The following PHC3 variants were observed in gnomAD, a reference collection of about 807,000 sequenced individuals.
PHC3 encodes the protein polyhomeotic homolog 3.
In PHC3, 13 loss-of-function variants were observed where a neutral mutation model predicts 107.4. That is an observed-to-expected ratio of 0.12 (90% CI 0.08 to 0.19). The LOEUF is 0.19. Among genes scored for constraint, PHC3 ranks in the 10% least tolerant of loss-of-function variants. The probability of loss-of-function intolerance (pLI) is 1.00; values close to 1 mark genes in which losing one functional copy is unlikely to be tolerated. For synonymous variants in PHC3, 456 were observed against 427.4 expected, an observed-to-expected ratio of 1.07 and a Z score of -0.83; for missense variants, 992 against 1,210.9, an observed-to-expected ratio of 0.82 and a Z score of 2.68.
intron 6 of PHC3, among the ~76,000 whole-genome samples, chr3:170,143,582 A>C (rs1300891576): frequency 6.6e-6 from 1 of 152,222 alleles, no homozygotes; most frequent in Non-Finnish European, 1.5e-5. Flanking sequence ...CATTTCTGCC[A>C]TATGCAGTCT....
Position 170,149,211 on chromosome 3 carries a change from A to G in PHC3, c.448T>C (p.Leu150=), listed in dbSNP as rs758143771. ...CTGGAAGCCTGGGAACGGCTTATTAACTGTGCAGGTGTAGGAGAAGTGGAG... is the reference window on the plus strand; with the variant it reads ...CTGGAAGCCTGGGAACGGCTTATTAGCTGTGCAGGTGTAGGAGAAGTGGAG... The part of the protein sequence containing the change: ...NLSTSPTPAQ[L]ISRSQASSST... Residue 150 remains leucine (L), a synonymous_variant, in exon 5 of 15, where the codon TTA becomes CTA. Transcript: ENST00000495893. 4.3e-6 allele frequency: 7 copies of G among 1,612,930 alleles called. No individual in the cohort carries two copies. In the Admixed American group the frequency reaches 1.2e-4, roughly 27 times the overall value.
At chr3:170,117,624 G>A (rs1719289031) in intron 9 of PHC3, 148 bp from the exon 10 acceptor site, 2 of 778,508 alleles carry the variant, frequency 2.6e-6, no homozygotes, top group Admixed American at 2.9e-5. Context: ...CATTTAATCT[G>A]TACAATAATC....
At position 170,121,429 on chromosome 3, in the gene PHC3, A is replaced by T. The variant is rs187975799; in HGVS notation, c.1942+1162T>A. Among the ~76,000 whole-genome samples, 8 of 152,344 alleles carry T rather than the reference A, an allele frequency of 5.3e-5. No homozygotes were observed. In the East Asian group the frequency reaches 1.5e-3, roughly 29 times the overall value. On this transcript the variant is annotated intron_variant, in intron 9 of 14. Transcript: ENST00000495893. ...ACGAAACATTTGTGTTTAGTAAAAT[A>T]CCTAGAATACACAGTAGCTTTGTGA...
At chr3:170,173,174 C>A (rs1729892459) in intron 2 of PHC3, among the ~76,000 whole-genome samples, 2 of 149,900 alleles carry the variant, frequency 1.3e-5, no homozygotes, top group African/African-American at 2.5e-5. Context: ...GCCTGGGCGA[C>A]ACAGCAAGAC....
Position 170,117,412 on chromosome 3 carries a change from G to C in PHC3, c.2007C>G (p.Pro669=), listed in dbSNP as rs375911062. The C allele has an allele frequency of 1.2e-6, 2 of 1,613,816 alleles. No homozygotes were observed. Among genetic ancestry groups the C allele is most frequent in the African/African-American group, 2.7e-5 (2 of 75,010 alleles). The change falls in exon 10 of 15, where the codon CCC becomes CCG. Residue 669 remains proline (P), a synonymous_variant. Coordinates refer to ENST00000495893, the MANE Select transcript of PHC3 (RefSeq NM_024947.4). ...GAGGTGGTGGAACAGAAACATGTGA[G>C]GGATCTGATGGAGATTTAATTACTG... is the stretch of plus-strand genomic sequence containing the variant. The part of the protein sequence containing the change: ...SASVIKSPSD[P]SHVSVPPPPL...
chr3:170,100,612 C>T (rs150805103), intron 14 of PHC3, among the ~76,000 whole-genome samples: 1 of 152,194 alleles, frequency 6.6e-6, no homozygotes, highest in East Asian at 1.9e-4. Flanking sequence ...AAATACCTGG[C>T]AACAAAATTA....
chr3:170,144,235 G>A (rs774168159), intron 6 of PHC3, among the ~76,000 whole-genome samples: 6 of 151,834 alleles, frequency 4.0e-5, no homozygotes, highest in Non-Finnish European at 8.8e-5. Context: ...CAGCTACTCG[G>A]GAGGTTGAGG....
intron 9 of PHC3, among the ~76,000 whole-genome samples, chr3:170,121,294 T>A (rs928547666): frequency 2.0e-5 from 3 of 152,012 alleles, no homozygotes; most frequent in Non-Finnish European, 4.4e-5. Context: ...GGCAACATAG[T>A]GAGACCCTAT....
intron 2 of PHC3, chr3:170,176,960 T>C (rs1730577490): frequency 2.2e-6 from 1 of 450,328 alleles, no homozygotes; most frequent in Non-Finnish European, 4.5e-6. Flanking sequence ...AAACAAAGTA[T>C]AATAGAGTGG....
At chr3:170,113,593 T>G (rs1718261438) in intron 10 of PHC3, 74 bp from the exon 11 acceptor site, 18 of 1,373,316 alleles carry the variant, frequency 1.3e-5, no homozygotes, top group Non-Finnish European at 1.5e-5. Context: ...TTTAAAAAAC[T>G]CTTAAAATGA....
chr3:170,160,958 T>G (rs1403506716), intron 4 of PHC3, among the ~76,000 whole-genome samples: 2 of 152,164 alleles, frequency 1.3e-5, no homozygotes, highest in Non-Finnish European at 2.9e-5. Context: ...CTTTTAGAAT[T>G]TATCTAGCAG....
intron 4 of PHC3, among the ~76,000 whole-genome samples, chr3:170,167,581 A>AG: frequency 6.6e-6 from 1 of 152,022 alleles, no homozygotes; most frequent in East Asian, 1.9e-4. Context: ...CCAACATGGC[A>AG]AAACCCCATC....
chr3:170,132,264 T>C (rs1249878065), intron 7 of PHC3, among the ~76,000 whole-genome samples: 2 of 152,164 alleles, frequency 1.3e-5, no homozygotes, highest in African/African-American at 4.8e-5. Flanking sequence ...GGTGATAGGG[T>C]ACTATACCAA....
In PHC3 at chr3:170,143,150, C is replaced by G. The variant is rs2108549202; in HGVS notation, c.672+2273G>C. 1.3e-5 allele frequency among the ~76,000 whole-genome samples: 2 copies of G among 152,218 alleles called. 1 individual carries two copies. Among genetic ancestry groups the G allele is most frequent in the Middle Eastern group, 6.8e-3 (2 of 294 alleles). On this transcript the variant is annotated intron_variant, in intron 6 of 14. Coordinates refer to ENST00000495893, the MANE Select transcript of PHC3 (RefSeq NM_024947.4). ...CCATGATTGACCCACTGCACTCCAG[C>G]CTGGGTGACAGAGTGAGACCCTATC...
At chr3:170,116,919 AAG>A (rs1274811551) in intron 10 of PHC3, among the ~76,000 whole-genome samples, 1 of 152,114 alleles carries the variant, frequency 6.6e-6, no homozygotes, top group African/African-American at 2.4e-5. Context: ...TAAAAAAAAA[AAG>A]AAAGAAAAAA....
rs575690211 is a variant in PHC3 at position 170,155,519 on chromosome 3, G to A, written c.415-6275C>T. 4.6e-4 allele frequency among the ~76,000 whole-genome samples: 70 copies of A among 152,196 alleles called. 1 individual carries two copies. The Middle Eastern group carries it at 0.014, about 30-fold the overall frequency. On this transcript the variant is annotated intron_variant, in intron 4 of 14. Transcript: ENST00000495893. The stretch of plus-strand genomic sequence containing the variant: ...GTGGATAGCTTGAGCTCAGGAGTTC[G>A]AGACCAGCCTGGTCAACATGGTGAA...
Position 170,113,404 on chromosome 3 carries a change from G to A in PHC3, c.2309C>T (p.Ala770Val), listed in dbSNP as rs755375051. The change falls in exon 11 of 15, where the codon GCG (alanine) becomes GTG (valine). Residue 770 changes from alanine to valine, a missense_variant. By Grantham distance (64) the Ala-to-Val change is moderately conservative (BLOSUM62 0). This residue lies in a region of PHC3 where 228 missense variants were observed against 288.8 expected (regional missense o/e 0.79). Transcript: ENST00000495893. The stretch of plus-strand genomic sequence containing the variant: ...CATCTCTGTGTCAGATGAATTATCC[G>A]CATGTTTTGTATTATTCTGTAGCTC... ...QPELQNNTKH[A>V]DNSSDTEMED... 8 of 1,610,792 alleles carry A rather than the reference G, an allele frequency of 5.0e-6. No homozygotes were observed. The highest frequency in any genetic ancestry group is 6.8e-6 in the Non-Finnish European group (8 of 1,178,426).
intron 4 of PHC3, among the ~76,000 whole-genome samples, chr3:170,168,900 A>G (rs182690259): frequency 6.6e-6 from 1 of 152,106 alleles, no homozygotes; most frequent in East Asian, 1.9e-4. Flanking sequence ...CAAACCACAT[A>G]TAGATGGAGT....
At chr3:170,179,013 A>C in intron 1 of PHC3, 75 bp from the exon 2 acceptor site, 1 of 1,385,298 alleles carries the variant, frequency 7.2e-7, no homozygotes, top group Non-Finnish European at 1.0e-6. Flanking sequence ...CATTCCAAAG[A>C]AATAATCAGC....
Sources: gnomAD v4.1 joint callset for allele counts (sites outside exome capture counted in the v4.1 genomes callset) on GRCh38, gnomAD v4.1.1 for gene constraint, gnomAD v4.1.1 regional missense constraint, MANE v1.5 for transcripts, NCBI Gene and HGNC (gene_info 2026-07-23, HGNC 2026-07-21) for gene names.